Variants in PTPRM observed in about 807,000 individuals in gnomAD.
PTPRM encodes the protein protein tyrosine phosphatase receptor type M.
A neutral mutation model predicts 186.7 loss-of-function variants in PTPRM; 47 were observed. That is an observed-to-expected ratio of 0.25 (90% CI 0.20 to 0.32). PTPRM has a LOEUF of 0.32. Ranked by LOEUF, PTPRM falls within the 10% of genes least tolerant of loss-of-function variation. The pLI is 1.00. For missense variants in PTPRM, 1,494 were observed against 1,865.0 expected (o/e 0.80, Z 3.66); for synonymous variants, 668 against 674.9 (o/e 0.99, Z 0.16).
At chr18:7,899,003 C>A (rs912867811) in intron 3 of PTPRM, among the ~76,000 whole-genome samples, 8 of 152,152 alleles carry the variant, frequency 5.3e-5, no homozygotes, top group Non-Finnish European at 4.4e-5. Context: ...GTTGTTGATT[C>A]ATTAACTTTG....
chr18:7,891,345 C>G lies in PTPRM; in HGVS notation c.468+2968C>G, dbSNP rs554487940. On this transcript the variant is annotated intron_variant, in intron 3 of 32. Transcript: ENST00000580170. ...AGAATCTCTCTAGCTAGTGGGATAA[C>G]AGGTAAATTTTTTTTTTTTGGCCAT... Among the ~76,000 whole-genome samples, 434 of 131,294 alleles carry G rather than the reference C, an allele frequency of 3.3e-3. 1 individual carries two copies. The highest frequency in any genetic ancestry group is 8.4e-3 in the Middle Eastern group (2 of 238). 86.1% of individuals were successfully genotyped at this position (131,294 alleles called of 152,430 possible). A position where few individuals can be genotyped will look rare whatever the true frequency, so the allele number is the denominator to read the frequency against.
chr18:8,199,222 A>G (rs891238419), intron 14 of PTPRM, among the ~76,000 whole-genome samples: 1 of 152,204 alleles, frequency 6.6e-6, no homozygotes, highest in Non-Finnish European at 1.5e-5. Context: ...TGAAGGAGAC[A>G]CTAGTATTAT....
intron 7 of PTPRM, among the ~76,000 whole-genome samples, chr18:7,984,602 T>TACACACAC (rs1555676946): frequency 4.7e-4 from 41 of 87,148 alleles, no homozygotes; most frequent in Middle Eastern, 5.6e-3. Flanking sequence ...TATATATATA[T>TACACACAC]ACACACACAC....
chr18:8,155,051 A>G (rs897729276), intron 14 of PTPRM: 1 of 152,224 alleles, frequency 6.6e-6, no homozygotes, highest in South Asian at 2.1e-4. Flanking sequence ...TACAAAATAA[A>G]TGTTTTATAC....
intron 1 of PTPRM, among the ~76,000 whole-genome samples, chr18:7,641,170 A>G (rs965896728): frequency 6.6e-6 from 1 of 152,162 alleles, no homozygotes; most frequent in Non-Finnish European, 1.5e-5. Flanking sequence ...AAAGGTCCCC[A>G]CACATTCCAG....
intron 9 of PTPRM, among the ~76,000 whole-genome samples, chr18:8,080,250 C>A (rs956185478): frequency 8.6e-5 from 13 of 152,036 alleles, no homozygotes; most frequent in African/African-American, 3.1e-4. Context: ...ATTAGTAATA[C>A]TCCCCAATGT....
At chr18:8,082,622 G>A (rs1435710169) in intron 9 of PTPRM, among the ~76,000 whole-genome samples, 1 of 149,464 alleles carries the variant, frequency 6.7e-6, no homozygotes, top group Non-Finnish European at 1.5e-5. Flanking sequence ...TGGCTCTTCT[G>A]TTGGCTTCTC....
intron 1 of PTPRM, among the ~76,000 whole-genome samples, chr18:7,625,821 A>C (rs74254635): frequency 0.086 from 13,071 of 152,198 alleles, 809 homozygotes; most frequent in South Asian, 0.2. Context: ...AGGCGTGAGC[A>C]ACAGCGCCTG....
intron 1 of PTPRM, among the ~76,000 whole-genome samples, chr18:7,632,807 T>C (rs2038222978): frequency 6.6e-6 from 1 of 152,202 alleles, no homozygotes; most frequent in Non-Finnish European, 1.5e-5. Context: ...GGAATTAGCA[T>C]GCCTGATTAG....
chr18:7,848,916 G>C (rs1043285614), intron 2 of PTPRM, among the ~76,000 whole-genome samples: 1 of 151,790 alleles, frequency 6.6e-6, no homozygotes, highest in Non-Finnish European at 1.5e-5. Context: ...CATTAACTTT[G>C]GAAAGTTAAA....
intron 1 of PTPRM, among the ~76,000 whole-genome samples, chr18:7,654,876 G>A (rs949909961): frequency 2.0e-5 from 3 of 152,118 alleles, no homozygotes; most frequent in Non-Finnish European, 4.4e-5. Context: ...TTTGAAGTCA[G>A]GTAGCATGAT....
chr18:8,267,735 A>T (rs2094719003), intron 19 of PTPRM, among the ~76,000 whole-genome samples: 1 of 152,204 alleles, frequency 6.6e-6, no homozygotes, highest in African/African-American at 2.4e-5. Context: ...TGAAGGTTGC[A>T]TAAGCTCACA....
intron 1 of PTPRM, among the ~76,000 whole-genome samples, chr18:7,588,543 T>C (rs1206874108): frequency 6.6e-6 from 1 of 152,218 alleles, no homozygotes; most frequent in African/African-American, 2.4e-5. Context: ...TGGAAAGCAT[T>C]GCAATTATAC....
chr18:7,671,075 T>C lies in PTPRM; in HGVS notation c.74-103074T>C, dbSNP rs1050648508. Among the ~76,000 whole-genome samples, 12 of 152,230 alleles carry C rather than the reference T, an allele frequency of 7.9e-5. No individual in the cohort carries two copies. The South Asian group carries it at 2.5e-3, about 31-fold the overall frequency. On this transcript the variant is annotated intron_variant, in intron 1 of 32. Transcript: ENST00000580170. ...AAGATGTTAAAGATAAACATTTTTA[T>C]CGTTGAATGAGTCCCTGAGTTTCAG...
chr18:7,960,474 T>TACACACACAC (rs1299278137), intron 7 of PTPRM, among the ~76,000 whole-genome samples: 13 of 111,292 alleles, frequency 1.2e-4, no homozygotes, highest in African/African-American at 5.2e-4. Context: ...TATATATATA[T>TACACACACAC]ATATATACAC....
chr18:7,807,200 T>G (rs117355177), intron 2 of PTPRM, among the ~76,000 whole-genome samples: 1 of 152,268 alleles, frequency 6.6e-6, no homozygotes, highest in African/African-American at 2.4e-5. Context: ...TGAATGTGTT[T>G]TCTTGTAGTG....
chr18:8,143,124 GA>G (rs917417552), intron 13 of PTPRM, among the ~76,000 whole-genome samples: 1 of 152,078 alleles, frequency 6.6e-6, no homozygotes, highest in Non-Finnish European at 1.5e-5. Flanking sequence ...AAGGCAGGGG[GA>G]AAAAACTCTA....
Position 8,211,884 on chromosome 18 carries a change from C to T in PTPRM, c.2301-32174C>T, listed in dbSNP as rs1481711436. 4.6e-5 allele frequency among the ~76,000 whole-genome samples: 7 copies of T among 152,164 alleles called. No homozygotes were observed. The South Asian group carries it at 6.2e-4, about 14-fold the overall frequency. ...CAACTCCCAGGCAGCATGGAGGGCT[C>T]GCTGGAGGCTGTGGCCATGCACTCG... is the stretch of plus-strand genomic sequence containing the variant. On this transcript the variant is annotated intron_variant, in intron 14 of 32. Transcript: ENST00000580170.
chr18:7,972,370 T>G (rs577171396), intron 7 of PTPRM, among the ~76,000 whole-genome samples: 2 of 124,392 alleles, frequency 1.6e-5, no homozygotes, highest in Non-Finnish European at 3.1e-5. Flanking sequence ...TAGATGACGA[T>G]TTAGTGGGTG....
Sources: allele counts gnomAD v4.1 joint callset (sites outside exome capture counted in the v4.1 genomes callset), GRCh38; gene constraint gnomAD v4.1.1; transcripts MANE v1.5; gene names NCBI Gene and HGNC (gene_info 2026-07-23, HGNC 2026-07-21).